Variants in INO80B observed in about 807,000 individuals in gnomAD.
INO80B encodes the protein INO80 complex subunit B.
A neutral mutation model predicts 31.4 loss-of-function variants in INO80B; 18 were observed. The observed-to-expected ratio is 0.57, with a 90% CI of 0.40 to 0.85. The LOEUF is 0.85. INO80B is among the 40% of genes least tolerant of loss of function. The pLI is 0.00. For missense variants in INO80B, 469 were observed against 475.4 expected, an observed-to-expected ratio of 0.99 and a Z score of 0.13; for synonymous variants, 238 against 199.0, an observed-to-expected ratio of 1.20 and a Z score of -1.65.
chr2:74,455,177 A>G lies in INO80B; in HGVS notation c.58+3A>G, dbSNP rs201919647. On this transcript the variant is annotated splice_donor_region_variant and intron_variant, in intron 1 of 4. Coordinates refer to ENST00000233331, the MANE Select transcript of INO80B (RefSeq NM_031288.4). ...GGCTATGGAGGCCCCTGAGCCGGGT[A>G]AGCGCGAATAGATCAAGCAATTTAG... The G allele has an allele frequency of 2.4e-4, 381 of 1,613,768 alleles. 2 individuals carry two copies. The African/African-American group carries it at 4.5e-3, about 19-fold the overall frequency.
chr2:74,457,528 T>C lies in INO80B; in HGVS notation c.735T>C (p.Thr245=). ...AGACTATCGAGCGCCTCACCAAGAC[T>C]GCGGCGACCAGTGGGCGGGGAGGCC... ...KNQTIERLTK[T]AATSGRGGRG... The change falls in exon 5 of 5, where the codon ACT becomes ACC. Residue 245 remains threonine, a synonymous_variant. Transcript: ENST00000233331. The C allele has an allele frequency of 3.9e-6, 6 of 1,524,736 alleles. No individual in the cohort carries two copies. The highest frequency in any genetic ancestry group is 5.3e-6 in the Non-Finnish European group (6 of 1,137,616). 94.5% of individuals were successfully genotyped at this position (1,524,736 alleles called of 1,614,324 possible). A position where few individuals can be genotyped will look rare whatever the true frequency, so the allele number is the denominator to read the frequency against.
rs1356390603 is a variant in INO80B at position 74,457,368 on chromosome 2, C to G, written c.575C>G (p.Ser192Cys). The change falls in exon 5 of 5, where the codon TCC becomes TGC. Residue 192 changes from serine to cysteine, a missense_variant. Physicochemically the swap from Ser to Cys is moderately radical, Grantham distance 112. Transcript: ENST00000233331. ...ALLQKARSQP[S>C]PMLPLPVAEG... ...CTCCAGAAGGCGCGGAGTCAACCTT[C>G]CCCTATGCTGCCGCTGCCTGTAGCT... 7 of 1,608,612 alleles carry G rather than the reference C, an allele frequency of 4.4e-6. No homozygotes were observed. In the South Asian group the frequency reaches 4.4e-5, roughly 10 times the overall value.
In INO80B at chr2:74,457,508, A is replaced by G. The variant is rs1671736433; in HGVS notation, c.715A>G (p.Ile239Val). ...GGCAGAAGAGCACAAGAACCAGACT[A>G]TCGAGCGCCTCACCAAGACTGCGGC... ...RRAEEHKNQT[I>V]ERLTKTAATS... is the part of the protein sequence containing the mutation. Residue 239 changes from isoleucine to valine, a missense_variant, in exon 5 of 5, where the codon ATC becomes GTC. Transcript: ENST00000233331. The G allele has an allele frequency of 6.5e-7, 1 of 1,543,276 alleles. No homozygotes were observed. The highest frequency in any genetic ancestry group is 2.5e-5 in the East Asian group (1 of 40,700).
At position 74,457,427 on chromosome 2, in the gene INO80B, ATGC is replaced by A. The variant is rs1210051590; in HGVS notation, c.640_642del (p.Leu214del). 1 of 1,596,178 alleles carries A rather than the reference ATGC, an allele frequency of 6.3e-7. No homozygotes were observed. Among genetic ancestry groups the A allele is most frequent in the Non-Finnish European group, 8.5e-7 (1 of 1,171,844 alleles). On this transcript the variant is annotated inframe_deletion, in exon 5 of 5. Coordinates refer to ENST00000233331, the MANE Select transcript of INO80B (RefSeq NM_031288.4). Reference sequence around the variant, plus strand: ...CCCACCTCCCGCCCTCACAGAGGAGATGCTGCTGAAGCGCGAGGAGCGGGCGCG... The same window carrying A: ...CCCACCTCCCGCCCTCACAGAGGAGATGCTGAAGCGCGAGGAGCGGGCGCG...
chr2:74,456,160 G>C lies in INO80B; in HGVS notation c.428G>C (p.Gly143Ala). The change falls in exon 4 of 5, where the codon GGT (glycine) becomes GCT (alanine). Residue 143 changes from glycine to alanine, a missense_variant. Gly to Ala is a moderately conservative substitution (Grantham distance 60). Around this residue, in one of 3 missense-constraint regions of INO80B, gnomAD observed 223 missense variants for 253.4 expected, o/e 0.88. Transcript: ENST00000233331. ...PLRDLSGGLG[G>A]QEEEEEQRWL... Reference sequence around the variant, plus strand: ...CGGGACCTATCAGGAGGGTTAGGGGGTCAGGAGGAAGAGGAGGAACAGAGG... The same window carrying C: ...CGGGACCTATCAGGAGGGTTAGGGGCTCAGGAGGAAGAGGAGGAACAGAGG... 1 of 1,613,230 alleles carries C rather than the reference G, an allele frequency of 6.2e-7. No individual in the cohort carries two copies. Among genetic ancestry groups the C allele is most frequent in the African/African-American group, 1.3e-5 (1 of 75,034 alleles).
In INO80B at chr2:74,455,823, CT is replaced by C. The variant is rs2103959325; in HGVS notation, c.258del (p.Thr87ProfsTer4). 1 of 1,602,194 alleles carries C rather than the reference CT, an allele frequency of 6.2e-7. No homozygotes were observed. On this transcript the variant is annotated frameshift_variant, in exon 3 of 5. Coordinates refer to ENST00000233331, the MANE Select transcript of INO80B (RefSeq NM_031288.4). LOFTEE classifies it high-confidence loss of function. ...GTAGTGTTGCTTCTCTGCAGTGTTC[CT>C]ACCTTCACTGTGATCCCAGAGGGGC... is the stretch of plus-strand genomic sequence containing the variant. Reference protein sequence around the residue: ...GGQVLGTKSVPTFTVIPEGPR... With the variant: ...GGQVLGTKSVXTFTVIPEGPR...
In INO80B at chr2:74,457,407, C is replaced by T. The variant is rs1355673097; in HGVS notation, c.614C>T (p.Pro205Leu). Residue 205 changes from proline (P) to leucine (L), a missense_variant, in exon 5 of 5, where the codon CCT (proline) becomes CTT (leucine). By Grantham distance (98) the Pro-to-Leu change is moderately conservative (BLOSUM62 -3). Coordinates refer to ENST00000233331, the MANE Select transcript of INO80B (RefSeq NM_031288.4). ...LPLPVAEGCP[P>L]PALTEEMLLK... ...CTGCCTGTAGCTGAGGGCTGCCCAC[C>T]TCCCGCCCTCACAGAGGAGATGCTG... 7 of 1,604,240 alleles carry T rather than the reference C, an allele frequency of 4.4e-6. No individual in the cohort carries two copies. The highest frequency in any genetic ancestry group is 5.1e-6 in the Non-Finnish European group (6 of 1,175,866).
At position 74,456,281 on chromosome 2, in the gene INO80B, GTTCA is replaced by G. The variant is rs1558560815; in HGVS notation, c.540+12_540+15del. On this transcript the variant is annotated intron_variant, in intron 4 of 4. Coordinates refer to ENST00000233331, the MANE Select transcript of INO80B (RefSeq NM_031288.4). ...TGCTTACTGCTCGACAGGTATGTTGGTTCATTGTTTATTCACTCACCAAATGTAT... is the reference window on the plus strand; with the variant it reads ...TGCTTACTGCTCGACAGGTATGTTGGTTGTTTATTCACTCACCAAATGTAT... The G allele has an allele frequency of 1.9e-6, 3 of 1,613,890 alleles. No homozygotes were observed. The highest frequency in any genetic ancestry group is 1.1e-5 in the South Asian group (1 of 91,070).
At chr2:74,456,491 G>A (rs1671708297) in intron 4 of INO80B, among the ~76,000 whole-genome samples, 1 of 152,162 alleles carries the variant, frequency 6.6e-6, no homozygotes, top group Non-Finnish European at 1.5e-5. Flanking sequence ...AAAAGAAAAG[G>A]GTGATGAAAT....
rs774043618 is a variant in INO80B at position 74,457,829 on chromosome 2, C to G, written c.1036C>G (p.Pro346Ala). 4.4e-6 allele frequency: 7 copies of G among 1,579,066 alleles called. No homozygotes were observed. Among genetic ancestry groups the G allele is most frequent in the East Asian group, 4.5e-5 (2 of 44,090 alleles). Reference sequence around the variant, plus strand: ...CAACCTGCAGATGCGGCTGGGGGGGCCCGAGGGTCCTGGATCCCCCCTTTT... The same window carrying G: ...CAACCTGCAGATGCGGCTGGGGGGGGCCGAGGGTCCTGGATCCCCCCTTTT... The part of the protein sequence containing the change: ...RINLQMRLGG[P>A]EGPGSPLLAT Residue 346 changes from proline (P) to alanine (A), a missense_variant, in exon 5 of 5, where the codon CCC (proline) becomes GCC (alanine). Physicochemically the swap from Pro to Ala is conservative, Grantham distance 27. Transcript: ENST00000233331.
Position 74,457,698 on chromosome 2 carries a change from C to G in INO80B, c.905C>G (p.Pro302Arg), listed in dbSNP as rs746213131. ...ACGGCAGTGTCTCAGCGGCCATCCC[C>G]CTCAGGCCCGCCGCCGCGCTGCTCT... ...APTAVSQRPS[P>R]SGPPPRCSVP... Residue 302 changes from proline (P) to arginine (R), a missense_variant, in exon 5 of 5, where the codon CCC becomes CGC. Physicochemically the swap from Pro to Arg is moderately radical, Grantham distance 103. Transcript: ENST00000233331. 2.7e-5 allele frequency: 43 copies of G among 1,599,968 alleles called. No homozygotes were observed. The African/African-American group carries it at 5.6e-4, about 21-fold the overall frequency.
In INO80B at chr2:74,457,331, TAGCG is replaced by T. The variant is rs1671730365; in HGVS notation, c.542_545del (p.Arg181LeufsTer18). The T allele has an allele frequency of 6.2e-7, 1 of 1,604,268 alleles. No individual in the cohort carries two copies. The highest frequency in any genetic ancestry group is 1.3e-5 in the African/African-American group (1 of 74,350). On this transcript the variant is annotated splice_acceptor_variant and coding_sequence_variant, in exon 5 of 5. Transcript: ENST00000233331. LOFTEE classifies it high-confidence loss of function. ...ACAGCACCCCGTCTCTGTCTCTCCC[TAGCG>T]AGCTCTGCTCCAGAAGGCGCGGAGT... is the stretch of plus-strand genomic sequence containing the variant.
rs1369318835 is a variant in INO80B at position 74,455,500 on chromosome 2, C to T, written c.153C>T (p.His51=). 1 of 1,614,138 alleles carries T rather than the reference C, an allele frequency of 6.2e-7. No individual in the cohort carries two copies. The highest frequency in any genetic ancestry group is 1.1e-5 in the South Asian group (1 of 91,080). ...ACAAGAAGAAACACAAGAAGAAACA[C>T]CATCAGGAAGAAGACGCCGGGCCCA... ...KKHKKKHKKK[H]HQEEDAGPTQ... is the part of the protein sequence containing the mutation. Residue 51 remains histidine, a synonymous_variant, in exon 2 of 5, where the codon CAC becomes CAT. Transcript: ENST00000233331.
At position 74,457,752 on chromosome 2, in the gene INO80B, A is replaced by G. The variant is rs978051143; in HGVS notation, c.959A>G (p.Tyr320Cys). ...CCCGGCTGTCCCCATCCGCGCCGCT[A>G]CGCTTGCTCCCGCACAGGCCAGGCA... ...SVPGCPHPRR[Y>C]ACSRTGQALC... The change falls in exon 5 of 5, where the codon TAC becomes TGC. Residue 320 changes from tyrosine to cysteine, a missense_variant. Tyr to Cys is a radical substitution (Grantham distance 194). This residue lies in a region of INO80B where 201 missense variants were observed against 151.7 expected (regional missense o/e 1.32). Coordinates refer to ENST00000233331, the MANE Select transcript of INO80B (RefSeq NM_031288.4). 1 of 1,600,054 alleles carries G rather than the reference A, an allele frequency of 6.2e-7. No individual in the cohort carries two copies. Among genetic ancestry groups the G allele is most frequent in the Non-Finnish European group, 8.5e-7 (1 of 1,179,708 alleles).
Position 74,457,412 on chromosome 2 carries a change from G to A in INO80B, c.619G>A (p.Ala207Thr), listed in dbSNP as rs1275756972. The change falls in exon 5 of 5, where the codon GCC becomes ACC. Residue 207 changes from alanine (A) to threonine (T), a missense_variant. Around this residue, in one of 3 missense-constraint regions of INO80B, gnomAD observed 45 missense variants for 70.3 expected, o/e 0.64. Coordinates refer to ENST00000233331, the MANE Select transcript of INO80B (RefSeq NM_031288.4). ...LPVAEGCPPP[A>T]LTEEMLLKRE... is the part of the protein sequence containing the mutation. ...TGTAGCTGAGGGCTGCCCACCTCCC[G>A]CCCTCACAGAGGAGATGCTGCTGAA... is the stretch of plus-strand genomic sequence containing the variant. 2.5e-6 allele frequency: 4 copies of A among 1,602,828 alleles called. No homozygotes were observed.
rs1039168458 is a variant in INO80B, at chr2:74,455,513, G to C, written c.166G>C (p.Asp56His). Reference protein sequence around the residue: ...KHKKKHHQEEDAGPTQPSPAK... With the variant: ...KHKKKHHQEEHAGPTQPSPAK... ...CAAGAAGAAACACCATCAGGAAGAAGACGCCGGGCCCACGCAGCCGTCCCC... is the reference window on the plus strand; with the variant it reads ...CAAGAAGAAACACCATCAGGAAGAACACGCCGGGCCCACGCAGCCGTCCCC... Residue 56 changes from aspartate (D) to histidine (H), a missense_variant, in exon 2 of 5, where the codon GAC becomes CAC. Physicochemically the swap from Asp to His is moderately conservative, Grantham distance 81 (BLOSUM62 -1). Coordinates refer to ENST00000233331, the MANE Select transcript of INO80B (RefSeq NM_031288.4). 1 of 1,614,172 alleles carries C rather than the reference G, an allele frequency of 6.2e-7. No homozygotes were observed. Among genetic ancestry groups the C allele is most frequent in the Non-Finnish European group, 8.5e-7 (1 of 1,180,042 alleles).
Position 74,457,651 on chromosome 2 carries a change from C to T in INO80B, c.858C>T (p.Phe286=), listed in dbSNP as rs775686774. 6.3e-7 allele frequency: 1 copy of T among 1,599,548 alleles called. No individual in the cohort carries two copies. Among genetic ancestry groups the T allele is most frequent in the South Asian group, 1.1e-5 (1 of 90,654 alleles). ...GAGCACAGGGTTCCACCCTTTCCTT[C>T]CCACCTGGCGTCCCCGCCCCCACGG... ...CSGAQGSTLS[F]PPGVPAPTAV... The change falls in exon 5 of 5, where the codon TTC becomes TTT. Residue 286 remains phenylalanine (F), a synonymous_variant. Coordinates refer to ENST00000233331, the MANE Select transcript of INO80B (RefSeq NM_031288.4).
In INO80B at chr2:74,457,925, T is replaced by G; in HGVS notation, c.*61T>G. ...CCGCTCTTGAGTATCTTCCCCACCC[T>G]ATTAAATTACATCCGGTGCTTCGGC... On this transcript the variant is annotated 3_prime_UTR_variant, in exon 5 of 5. Transcript: ENST00000233331. The G allele has an allele frequency of 7.0e-7, 1 of 1,423,748 alleles. No individual in the cohort carries two copies. The highest frequency in any genetic ancestry group is 1.5e-5 in the African/African-American group (1 of 67,936). The allele number at this position is 1,423,748 out of a possible 1,614,324, so 88.2% of individuals were successfully genotyped here.
chr2:74,456,314 G>A (rs1046094944), intron 4 of INO80B, 42 bp downstream of exon 4: 25 of 1,606,388 alleles, frequency 1.6e-5, no homozygotes, highest in Non-Finnish European at 2.0e-5. Context: ...AATGTATACA[G>A]TATTGAGAAC....
Sources: allele counts gnomAD v4.1 joint callset (sites outside exome capture counted in the v4.1 genomes callset), GRCh38; gene constraint gnomAD v4.1.1; regional missense constraint gnomAD v4.1.1; transcripts MANE v1.5; gene names NCBI Gene and HGNC (gene_info 2026-07-23, HGNC 2026-07-21).